The following SEC14L5 variants were observed in gnomAD, a reference collection of about 807,000 sequenced individuals.
SEC14L5 encodes SEC14-like protein 5.
SEC14L5 carries 96 observed loss-of-function variants against 84.6 expected under a neutral mutation model. That is an observed-to-expected ratio of 1.13 (90% CI 0.96 to 1.34). The LOEUF is 1.34. Ranked by LOEUF, SEC14L5 falls within the 40% of genes most tolerant of loss-of-function variation. The pLI, the probability that SEC14L5 is intolerant of heterozygous loss-of-function variation, is 0.00. For missense variants in SEC14L5, 1,224 were observed against 942.5 expected (o/e 1.30, Z -3.91); for synonymous variants, 546 against 383.4 (o/e 1.42, Z -4.95).
At position 5,003,539 on chromosome 16, in the gene SEC14L5, G is replaced by A. The variant is rs774088331; in HGVS notation, c.1268G>A (p.Arg423Gln). 1.0e-5 allele frequency: 14 copies of A among 1,361,164 alleles called. No individual in the cohort carries two copies. Among genetic ancestry groups the A allele is most frequent in the African/African-American group, 9.1e-5 (6 of 65,676 alleles). The allele number at this position is 1,361,164 out of a possible 1,614,324, so 84.3% of individuals were successfully genotyped here. A position where few individuals can be genotyped will look rare whatever the true frequency, so the allele number is the denominator to read the frequency against. Residue 423 changes from arginine (R) to glutamine (Q), a missense_variant, in exon 11 of 16, where the codon CGA (arginine) becomes CAA (glutamine). By Grantham distance (43) the Arg-to-Gln change is conservative. Coordinates refer to ENST00000251170, the MANE Select transcript of SEC14L5 (RefSeq NM_014692.2). Reference sequence around the variant, plus strand: ...ACCCTGGGTCGGCTGCTCATCGTGCGAGCCCCCCGAGTCTTCCCCGTGCTC... The same window carrying A: ...ACCCTGGGTCGGCTGCTCATCGTGCAAGCCCCCCGAGTCTTCCCCGTGCTC... ...PETLGRLLIV[R>Q]APRVFPVLWT...
rs1410552303 is a variant in SEC14L5, at chr16:5,013,755, G to A, written c.1980-1104G>A. On this transcript the variant is annotated intron_variant, in intron 15 of 15. Transcript: ENST00000251170. ...TATATTTTTAGTGGAGACAGGTTTC[G>A]CCATGTTAGCCAGGCTGGTGTCGAA... 3.3e-5 allele frequency among the ~76,000 whole-genome samples: 5 copies of A among 151,926 alleles called. No individual in the cohort carries two copies. In the South Asian group the frequency reaches 6.2e-4, roughly 19 times the overall value.
chr16:4,997,911 G>T (rs1329316586), intron 8 of SEC14L5, among the ~76,000 whole-genome samples: 1 of 151,824 alleles, frequency 6.6e-6, no homozygotes, highest in Non-Finnish European at 1.5e-5. Flanking sequence ...AGGACCCCAG[G>T]AGATTGGATT....
At chr16:4,969,546 G>C (rs1955249091) in intron 2 of SEC14L5, among the ~76,000 whole-genome samples, 1 of 152,050 alleles carries the variant, frequency 6.6e-6, no homozygotes. Context: ...ACCATGCTCG[G>C]CTAAGTTTTG....
chr16:4,996,836 T>C lies in SEC14L5; in HGVS notation c.781-19T>C. On this transcript the variant is annotated intron_variant, in intron 7 of 15. Coordinates refer to ENST00000251170, the MANE Select transcript of SEC14L5 (RefSeq NM_014692.2). ...CAGGGGATACCGTTCTGTGGGCTTTTTACTTCTTTGTCTCTCAGATTCCCA... is the reference window on the plus strand; with the variant it reads ...CAGGGGATACCGTTCTGTGGGCTTTCTACTTCTTTGTCTCTCAGATTCCCA... 1 of 1,599,654 alleles carries C rather than the reference T, an allele frequency of 6.3e-7. No homozygotes were observed. Among genetic ancestry groups the C allele is most frequent in the Non-Finnish European group, 8.5e-7 (1 of 1,171,924 alleles).
intron 2 of SEC14L5, among the ~76,000 whole-genome samples, chr16:4,963,546 A>C (rs1297664303): frequency 6.6e-6 from 1 of 152,244 alleles, no homozygotes; most frequent in Non-Finnish European, 1.5e-5. Context: ...GGGTTTCACC[A>C]TGCTGGCCAG....
chr16:5,000,285 T>C (rs142172907), intron 8 of SEC14L5, among the ~76,000 whole-genome samples: 428 of 152,300 alleles, frequency 2.8e-3, no homozygotes, highest in African/African-American at 9.7e-3. Flanking sequence ...AGCAAGACTC[T>C]GTCTCAAATA....
In SEC14L5 at chr16:5,008,515, A is replaced by C; in HGVS notation, c.1667A>C (p.Gln556Pro). The change falls in exon 14 of 16, where the codon CAG becomes CCG. Residue 556 changes from glutamine to proline, a missense_variant. Gln to Pro is a moderately conservative substitution (Grantham distance 76). Transcript: ENST00000251170. ...DVVFSLYHTK[Q>P]APRLGAREPG... Reference sequence around the variant, plus strand: ...GTGTTCAGCCTGTACCACACCAAGCAGGCGCCCAGGCTGGGCGCCCGGGAA... The same window carrying C: ...GTGTTCAGCCTGTACCACACCAAGCCGGCGCCCAGGCTGGGCGCCCGGGAA... The C allele has an allele frequency of 6.2e-7, 1 of 1,609,336 alleles. No individual in the cohort carries two copies. The highest frequency in any genetic ancestry group is 8.5e-7 in the Non-Finnish European group (1 of 1,178,252).
chr16:4,998,424 T>C (rs771859653), intron 8 of SEC14L5, among the ~76,000 whole-genome samples: 3 of 152,144 alleles, frequency 2.0e-5, no homozygotes, highest in Non-Finnish European at 2.9e-5. Flanking sequence ...CCTACGACAC[T>C]TTCCAATGTC....
chr16:5,018,170 T>G lies in SEC14L5; in HGVS notation c.*3200T>G, dbSNP rs539207584. Reference sequence around the variant, plus strand: ...GTGGGACGAAATGAGGGAGTAGCTGTAAAGCTTTCAGCACAGCTCCCAGAA... The same window carrying G: ...GTGGGACGAAATGAGGGAGTAGCTGGAAAGCTTTCAGCACAGCTCCCAGAA... On this transcript the variant is annotated 3_prime_UTR_variant, in exon 16 of 16. Transcript: ENST00000251170. 1 of 152,266 alleles carries G rather than the reference T, an allele frequency of 6.6e-6. No individual in the cohort carries two copies. The highest frequency in any genetic ancestry group is 2.4e-5 in the African/African-American group (1 of 41,464). The allele number at this position is 152,266 out of a possible 1,614,324, so 9.4% of individuals were successfully genotyped here. A position where few individuals can be genotyped will look rare whatever the true frequency, so the allele number is the denominator to read the frequency against.
Position 4,997,016 on chromosome 16 carries a change from T to G in SEC14L5, c.942T>G (p.Tyr314Ter). The change falls in exon 8 of 16, where the codon TAT becomes TAG. Residue 314 changes from tyrosine to a stop codon, truncating the protein, a stop_gained. Coordinates refer to ENST00000251170, the MANE Select transcript of SEC14L5 (RefSeq NM_014692.2). LOFTEE classifies it high-confidence loss of function. ...CCCCTGCCCTGCTGGAGGAGTTCTA[T>G]GCAGGGGGCTGGCATTACCAGGACA... ...WQPPALLEEF[Y>*]AGGWHYQDID... 1 of 1,612,516 alleles carries G rather than the reference T, an allele frequency of 6.2e-7. No homozygotes were observed. Among genetic ancestry groups the G allele is most frequent in the Non-Finnish European group, 8.5e-7 (1 of 1,179,294 alleles).
chr16:4,996,411 G>A lies in SEC14L5; in HGVS notation c.731G>A (p.Ser244Asn). ...GGCCACCTCACGCCCATGCAGGAGA[G>A]CTGCCTGATCCAGCTTCGGCACTGG... ...CLGHLTPMQE[S>N]CLIQLRHWLQ... Residue 244 changes from serine (S) to asparagine (N), a missense_variant, in exon 7 of 16, where the codon AGC becomes AAC. Coordinates refer to ENST00000251170, the MANE Select transcript of SEC14L5 (RefSeq NM_014692.2). 6.4e-7 allele frequency: 1 copy of A among 1,574,706 alleles called. No homozygotes were observed. Among genetic ancestry groups the A allele is most frequent in the Non-Finnish European group, 8.6e-7 (1 of 1,161,000 alleles).
At chr16:4,962,404 G>A (rs1470376284) in intron 2 of SEC14L5, among the ~76,000 whole-genome samples, 2 of 151,988 alleles carry the variant, frequency 1.3e-5, no homozygotes, top group African/African-American at 4.8e-5. Flanking sequence ...TATATTATCT[G>A]TGGCCAGGTA....
At chr16:4,970,880 C>T (rs1218747349) in intron 2 of SEC14L5, among the ~76,000 whole-genome samples, 1 of 152,088 alleles carries the variant, frequency 6.6e-6, no homozygotes, top group Non-Finnish European at 1.5e-5. Context: ...GAGGCCGAGG[C>T]GGGTGGATCA....
At chr16:4,974,487 G>T (rs543564564) in intron 2 of SEC14L5, among the ~76,000 whole-genome samples, 2 of 152,210 alleles carry the variant, frequency 1.3e-5, no homozygotes, top group Admixed American at 1.3e-4. Context: ...TACAGGGTGA[G>T]CCACCGTGCC....
Position 4,990,909 on chromosome 16 carries a change from T to C in SEC14L5, c.474+14T>C. The stretch of plus-strand genomic sequence containing the variant: ...AACGTCAAGAGGGTAAGCGGTGGGT[T>C]GCGTTAGTTACTGGAGGAAGGTGCA... On this transcript the variant is annotated intron_variant, in intron 5 of 15. Coordinates refer to ENST00000251170, the MANE Select transcript of SEC14L5 (RefSeq NM_014692.2). The C allele has an allele frequency of 6.4e-7, 1 of 1,557,868 alleles. No individual in the cohort carries two copies.
chr16:4,971,708 GAGACTAGGGA>G (rs1378206350), intron 2 of SEC14L5, among the ~76,000 whole-genome samples: 2 of 151,208 alleles, frequency 1.3e-5, no homozygotes, highest in East Asian at 3.9e-4. Flanking sequence ...CACTCACTCT[GAGACTAGGGA>G]GACCGGTACT....
intron 8 of SEC14L5, among the ~76,000 whole-genome samples, chr16:4,999,816 G>A (rs1955655503): frequency 6.6e-6 from 1 of 152,078 alleles, no homozygotes; most frequent in Non-Finnish European, 1.5e-5. Context: ...CTGGGAGGCC[G>A]AGGTGTGAGA....
intron 2 of SEC14L5, among the ~76,000 whole-genome samples, chr16:4,976,215 T>C (rs1955337023): frequency 6.6e-6 from 1 of 152,228 alleles, no homozygotes; most frequent in African/African-American, 2.4e-5. Context: ...CTACTTTTCT[T>C]ACTTCCCCTT....
intron 2 of SEC14L5, among the ~76,000 whole-genome samples, chr16:4,978,759 C>T (rs375368448): frequency 6.7e-6 from 1 of 148,634 alleles, no homozygotes; most frequent in African/African-American, 2.5e-5. Flanking sequence ...CCTGCCACCA[C>T]GCTCGGCTAA....
Sources: gnomAD v4.1 joint callset for allele counts (sites outside exome capture counted in the v4.1 genomes callset) on GRCh38, gnomAD v4.1.1 for gene constraint, MANE v1.5 for transcripts, NCBI Gene and HGNC (gene_info 2026-07-23, HGNC 2026-07-21) for gene names.